Variants in COL26A1 observed in about 807,000 individuals in gnomAD.
COL26A1 encodes collagen type XXVI alpha 1 chain.
Under a neutral mutation model 59.3 loss-of-function variants are expected in COL26A1, and 41 were observed. The ratio of observed to expected loss-of-function variants is 0.69; its 90% CI spans 0.54 to 0.90. The LOEUF (loss-of-function observed/expected upper bound fraction) is 0.90, where lower values mean the gene tolerates loss of function less well. Among genes scored for constraint, COL26A1 ranks in the 40% least tolerant of loss-of-function variants. The pLI is 0.00. For missense variants in COL26A1, 612 were observed against 602.3 expected, an observed-to-expected ratio of 1.02 and a Z score of -0.17; for synonymous variants, 266 against 256.0, an observed-to-expected ratio of 1.04 and a Z score of -0.37.
chr7:101,365,592 A>G (rs1229183154), intron 1 of COL26A1, among the ~76,000 whole-genome samples: 1 of 151,944 alleles, frequency 6.6e-6, no homozygotes, highest in Non-Finnish European at 1.5e-5. Flanking sequence ...GCGCCTGGCT[A>G]ATTTTTGTAT....
intron 3 of COL26A1, among the ~76,000 whole-genome samples, chr7:101,472,272 C>T (rs962349143): frequency 1.3e-5 from 2 of 152,198 alleles, no homozygotes; most frequent in African/African-American, 4.8e-5. Context: ...TCCCAAAGTG[C>T]TGGGATTACA....
chr7:101,480,086 C>T (rs2410848), intron 3 of COL26A1, among the ~76,000 whole-genome samples: 81,841 of 151,962 alleles, frequency 0.54, 23,573 homozygotes, highest in African/African-American at 0.73. Context: ...GCCTTCTAAG[C>T]AGCTGGGATT....
chr7:101,529,997 G>A (rs1795330434), intron 3 of COL26A1, among the ~76,000 whole-genome samples: 1 of 152,134 alleles, frequency 6.6e-6, no homozygotes, highest in South Asian at 2.1e-4. Context: ...TAGAGTGTTG[G>A]CACAGTGTCA....
intron 2 of COL26A1, among the ~76,000 whole-genome samples, chr7:101,439,828 C>G (rs913290828): frequency 5.3e-5 from 8 of 152,160 alleles, no homozygotes; most frequent in African/African-American, 1.7e-4. Context: ...GGACAACACC[C>G]CGCTCCAGAG....
intron 3 of COL26A1, among the ~76,000 whole-genome samples, chr7:101,448,838 C>T (rs1294909046): frequency 2.0e-5 from 3 of 152,192 alleles, no homozygotes; most frequent in Non-Finnish European, 4.4e-5. Flanking sequence ...CTCCCACCTT[C>T]GCTTTCTGAC....
chr7:101,409,701 G>A (rs1792200283), intron 1 of COL26A1, among the ~76,000 whole-genome samples: 1 of 152,200 alleles, frequency 6.6e-6, no homozygotes, highest in Non-Finnish European at 1.5e-5. Context: ...ATTATTTCAA[G>A]GCAACTGAGC....
At chr7:101,542,718 T>C (rs1247612847) in intron 5 of COL26A1, among the ~76,000 whole-genome samples, 1 of 152,084 alleles carries the variant, frequency 6.6e-6, no homozygotes, top group Non-Finnish European at 1.5e-5. Context: ...TCCTGCATTC[T>C]TGGAAAGGGA....
intron 2 of COL26A1, among the ~76,000 whole-genome samples, chr7:101,439,447 G>C (rs772090670): frequency 7.9e-5 from 12 of 150,964 alleles, no homozygotes; most frequent in Admixed American, 1.3e-4. Context: ...CCAGCTACTC[G>C]AGAGGCTCAG....
chr7:101,435,209 C>T (rs1428027274), intron 2 of COL26A1, among the ~76,000 whole-genome samples: 1 of 152,218 alleles, frequency 6.6e-6, no homozygotes, highest in African/African-American at 2.4e-5. Flanking sequence ...CTCCTAGCTA[C>T]TCAGGAGGCT....
At chr7:101,471,571 G>GTTTTTTTTTTTT (rs71517177) in intron 3 of COL26A1, among the ~76,000 whole-genome samples, 2 of 92,966 alleles carry the variant, frequency 2.2e-5, no homozygotes, top group African/African-American at 7.8e-5. Flanking sequence ...GTTGTTGTTT[G>GTTTTTTTTTTTT]TTTTTTTTTT....
intron 3 of COL26A1, among the ~76,000 whole-genome samples, chr7:101,488,466 C>T (rs1331420579): frequency 1.4e-5 from 2 of 146,798 alleles, no homozygotes; most frequent in Non-Finnish European, 3.0e-5. Flanking sequence ...GTCTCTGCTT[C>T]CTGGGTTCAA....
chr7:101,386,079 TTCA>T (rs1263536432), intron 1 of COL26A1, among the ~76,000 whole-genome samples: 1 of 152,062 alleles, frequency 6.6e-6, no homozygotes, highest in Non-Finnish European at 1.5e-5. Flanking sequence ...CTTGTTGAGT[TTCA>T]TCAAGGGTGG....
At chr7:101,482,390 G>A (rs1794175457) in intron 3 of COL26A1, among the ~76,000 whole-genome samples, 1 of 152,166 alleles carries the variant, frequency 6.6e-6, no homozygotes, top group African/African-American at 2.4e-5. Context: ...TTCTCTCACT[G>A]TAAGTTGCAA....
intron 6 of COL26A1, among the ~76,000 whole-genome samples, chr7:101,544,572 G>C (rs141420440): frequency 7.6e-6 from 1 of 131,622 alleles, no homozygotes; most frequent in Non-Finnish European, 1.5e-5. Context: ...GTGCTGTGTC[G>C]CCCAGACTGG....
At chr7:101,460,757 G>A (rs185411752) in intron 3 of COL26A1, among the ~76,000 whole-genome samples, 2 of 151,496 alleles carry the variant, frequency 1.3e-5, no homozygotes, top group East Asian at 3.9e-4. Context: ...CTCCAGCCTG[G>A]GTGATAGAGA....
intron 1 of COL26A1, among the ~76,000 whole-genome samples, chr7:101,365,102 A>C (rs2116990848): frequency 6.6e-6 from 1 of 152,332 alleles, no homozygotes; most frequent in East Asian, 1.9e-4. Flanking sequence ...GTTTGTATGC[A>C]ATCCTATTTC....
intron 3 of COL26A1, among the ~76,000 whole-genome samples, chr7:101,449,483 T>C (rs1483375038): frequency 6.6e-6 from 1 of 152,156 alleles, no homozygotes; most frequent in East Asian, 1.9e-4. Flanking sequence ...AAATCAGCAA[T>C]GTTAGCCGGG....
intron 2 of COL26A1, among the ~76,000 whole-genome samples, chr7:101,434,381 G>A (rs1473090810): frequency 6.6e-6 from 1 of 151,608 alleles, no homozygotes; most frequent in African/African-American, 2.4e-5. Context: ...AGCCTCCCGA[G>A]TAGCTGGGAC....
At chr7:101,469,556 C>T (rs1793845060) in intron 3 of COL26A1, among the ~76,000 whole-genome samples, 1 of 150,942 alleles carries the variant, frequency 6.6e-6, no homozygotes, top group African/African-American at 2.4e-5. Flanking sequence ...GTGGCACGAT[C>T]TTAGCTCACT....
Sources: gnomAD v4.1 joint callset for allele counts (sites outside exome capture counted in the v4.1 genomes callset) on GRCh38, gnomAD v4.1.1 for gene constraint, MANE v1.5 for transcripts, NCBI Gene and HGNC (gene_info 2026-07-23, HGNC 2026-07-21) for gene names.